Variants in ADGRB3 observed in about 807,000 individuals in gnomAD.
ADGRB3 encodes the protein adhesion G protein-coupled receptor B3.
Under a neutral mutation model 193.4 loss-of-function variants are expected in ADGRB3, and 37 were observed. That is an observed-to-expected ratio of 0.19 (90% CI 0.15 to 0.25). The LOEUF (loss-of-function observed/expected upper bound fraction) is 0.25. Among genes scored for constraint, ADGRB3 ranks in the 10% least tolerant of loss-of-function variants. The pLI, the probability that ADGRB3 is intolerant of heterozygous loss-of-function variation, is 1.00. For synonymous variants in ADGRB3, 690 were observed against 644.2 expected, an observed-to-expected ratio of 1.07 and a Z score of -1.08; for missense variants, 1,637 against 1,852.9, an observed-to-expected ratio of 0.88 and a Z score of 2.14.
chr6:69,328,610 T>C (rs1420558823), intron 22 of ADGRB3, among the ~76,000 whole-genome samples: 1 of 152,160 alleles, frequency 6.6e-6, no homozygotes, highest in East Asian at 1.9e-4. Context: ...TTCTGTTTAA[T>C]TATTTTGGGT....
chr6:69,016,413 T>C (rs1770093631), intron 12 of ADGRB3, among the ~76,000 whole-genome samples: 1 of 151,924 alleles, frequency 6.6e-6, no homozygotes, highest in Non-Finnish European at 1.5e-5. Context: ...AGCCAAACAG[T>C]GTCCTCAAGG....
intron 3 of ADGRB3, among the ~76,000 whole-genome samples, chr6:68,651,683 C>A (rs1031035189): frequency 2.6e-5 from 4 of 151,998 alleles, no homozygotes; most frequent in Admixed American, 2.6e-4. Context: ...AGCAGTGGAA[C>A]CTTTTTTTCT....
chr6:69,309,340 G>T (rs1768132277), intron 20 of ADGRB3, among the ~76,000 whole-genome samples: 1 of 151,652 alleles, frequency 6.6e-6, no homozygotes, highest in African/African-American at 2.4e-5. Flanking sequence ...GGAGAAAAAA[G>T]TAAGTGTTGT....
rs994030330 is a variant in ADGRB3 at position 69,232,766 on chromosome 6, C to G, written c.2481-524C>G. The G allele has an allele frequency of 6.9e-6, 5 of 720,740 alleles. No homozygotes were observed. In the Admixed American group the frequency reaches 7.9e-5, roughly 11 times the overall value. The allele number at this position is 720,740 out of a possible 1,614,324, so 44.6% of individuals were successfully genotyped here. ...TTCTAAAAGGAGGAAAAATCCCTAA[C>G]CAGCAGCAGAGAAGATCCTATCACC... On this transcript the variant is annotated intron_variant, in intron 17 of 31. Transcript: ENST00000370598.
intron 13 of ADGRB3, among the ~76,000 whole-genome samples, chr6:69,040,325 C>CTT (rs1770997875): frequency 2.3e-5 from 1 of 43,450 alleles, no homozygotes; most frequent in Admixed American, 3.6e-4. Flanking sequence ...TTCTTTCTTT[C>CTT]TTTCTTTCTT....
intron 20 of ADGRB3, among the ~76,000 whole-genome samples, chr6:69,251,627 A>G (rs924101263): frequency 4.6e-5 from 7 of 152,140 alleles, no homozygotes; most frequent in African/African-American, 1.7e-4. Flanking sequence ...CACACAATAT[A>G]CTTTTTTCTT....
intron 5 of ADGRB3, among the ~76,000 whole-genome samples, chr6:68,940,379 C>A (rs754567843): frequency 6.6e-6 from 1 of 151,688 alleles, no homozygotes; most frequent in African/African-American, 2.4e-5. Flanking sequence ...TCATTAGATG[C>A]CAGTAGCCCC....
chr6:68,967,638 G>A (rs1481031790), intron 8 of ADGRB3, among the ~76,000 whole-genome samples: 2 of 150,688 alleles, frequency 1.3e-5, no homozygotes, highest in African/African-American at 4.9e-5. Context: ...AACGTCTACA[G>A]TATTTTTGCA....
At chr6:69,031,555 C>CTTTCTTTCTTTCTTTCT (rs1770703152) in intron 13 of ADGRB3, among the ~76,000 whole-genome samples, 76 of 91,562 alleles carry the variant, frequency 8.3e-4, no homozygotes, top group African/African-American at 2.9e-3. Context: ...CTTTCTTTTT[C>CTTTCTTTCTTTCTTTCT]TTTCTTTCTT....
At chr6:68,964,958 A>G (rs1356589408) in intron 8 of ADGRB3, among the ~76,000 whole-genome samples, 1 of 152,166 alleles carries the variant, frequency 6.6e-6, no homozygotes, top group East Asian at 1.9e-4. Flanking sequence ...GGACTCAACT[A>G]TTTGATTGAC....
chr6:69,133,674 ATT>A (rs1172457693), intron 17 of ADGRB3, among the ~76,000 whole-genome samples: 1 of 87,970 alleles, frequency 1.1e-5, no homozygotes, highest in African/African-American at 3.1e-5. Context: ...AAAAAAGAAA[ATT>A]TCTTTTTTTT....
chr6:69,124,692 A>G (rs1773808848), intron 17 of ADGRB3, among the ~76,000 whole-genome samples: 1 of 152,038 alleles, frequency 6.6e-6, no homozygotes, highest in Non-Finnish European at 1.5e-5. Flanking sequence ...TTCCAAGGAT[A>G]TTTTCTACTT....
At chr6:69,379,308 A>T (rs976806960) in intron 30 of ADGRB3, among the ~76,000 whole-genome samples, 11 of 152,006 alleles carry the variant, frequency 7.2e-5, no homozygotes, top group Non-Finnish European at 1.3e-4. Flanking sequence ...ATTTCTTTAA[A>T]AAACGGGTGC....
chr6:69,027,763 G>T (rs777896155), intron 13 of ADGRB3, among the ~76,000 whole-genome samples: 3 of 152,148 alleles, frequency 2.0e-5, no homozygotes, highest in Non-Finnish European at 4.4e-5. Flanking sequence ...GGGGTCAGAT[G>T]CTGAAGATAT....
chr6:69,144,724 A>G (rs888524428), intron 17 of ADGRB3, among the ~76,000 whole-genome samples: 2 of 152,152 alleles, frequency 1.3e-5, no homozygotes, highest in Admixed American at 1.3e-4. Context: ...TGATTTGCAT[A>G]TGTTGAACCA....
intron 6 of ADGRB3, among the ~76,000 whole-genome samples, chr6:68,954,467 C>T (rs867059444): frequency 1.3e-5 from 2 of 152,032 alleles, no homozygotes; most frequent in African/African-American, 4.8e-5. Flanking sequence ...CTAAGAGTCA[C>T]CTGGATCCTC....
intron 3 of ADGRB3, among the ~76,000 whole-genome samples, chr6:68,752,250 T>C (rs1289543765): frequency 6.6e-6 from 1 of 151,554 alleles, no homozygotes; most frequent in Admixed American, 6.6e-5. Context: ...ATAATGGTGA[T>C]GGATTTCAGT....
At chr6:69,363,222 G>A (rs1426455788) in intron 29 of ADGRB3, among the ~76,000 whole-genome samples, 1 of 151,864 alleles carries the variant, frequency 6.6e-6, no homozygotes. Flanking sequence ...CAAAAGACCT[G>A]CATTTAAATG....
Position 68,939,715 on chromosome 6 carries a change from T to C in ADGRB3, c.1030+3035T>C, listed in dbSNP as rs573568970. ...TGTGCAGGTAAATATGTACTTACTT[T>C]GCAATCTAACATATCCTGAAAATAG... On this transcript the variant is annotated intron_variant, in intron 5 of 31. Coordinates refer to ENST00000370598, the MANE Select transcript of ADGRB3 (RefSeq NM_001704.3). 7.9e-5 allele frequency among the ~76,000 whole-genome samples: 12 copies of C among 152,278 alleles called. No individual in the cohort carries two copies. In the Middle Eastern group the frequency reaches 0.01, roughly 130 times the overall value.
Sources: gnomAD v4.1 joint callset for allele counts (sites outside exome capture counted in the v4.1 genomes callset) on GRCh38, gnomAD v4.1.1 for gene constraint, MANE v1.5 for transcripts, NCBI Gene and HGNC (gene_info 2026-07-23, HGNC 2026-07-21) for gene names.